Variants in PIWIL4 observed in about 807,000 individuals in gnomAD.
PIWIL4 encodes the protein piwi-like protein 4.
A neutral mutation model predicts 100.9 loss-of-function variants in PIWIL4; 50 were observed. That is an observed-to-expected ratio of 0.50 (90% CI 0.39 to 0.63). The LOEUF (loss-of-function observed/expected upper bound fraction) is 0.63. Among genes scored for constraint, PIWIL4 ranks in the 20% least tolerant of loss-of-function variants. The probability of loss-of-function intolerance (pLI) is 0.00; values close to 1 mark genes in which losing one functional copy is unlikely to be tolerated. For missense variants in PIWIL4, 887 were observed against 1,043.3 expected, an observed-to-expected ratio of 0.85 and a Z score of 2.06; for synonymous variants, 342 against 367.5, an observed-to-expected ratio of 0.93 and a Z score of 0.79.
chr11:94,602,827 AAATCTGTT>A (rs1386788864), intron 12 of PIWIL4, among the ~76,000 whole-genome samples: 17 of 152,202 alleles, frequency 1.1e-4, no homozygotes, highest in Non-Finnish European at 4.4e-5. Flanking sequence ...TCCTCTTATC[AAATCTGTT>A]AATAAATAGC....
At chr11:94,584,589 C>T (rs1948372522) in intron 5 of PIWIL4, among the ~76,000 whole-genome samples, 1 of 152,136 alleles carries the variant, frequency 6.6e-6, no homozygotes, top group Non-Finnish European at 1.5e-5. Context: ...TATTAAAATC[C>T]TTATTTTTAA....
intron 16 of PIWIL4, 200 bp from the exon 17 acceptor site, chr11:94,617,754 C>A: frequency 2.0e-6 from 1 of 511,592 alleles, no homozygotes; most frequent in Non-Finnish European, 3.4e-6. Flanking sequence ...CATTGTGATT[C>A]CTTGAATAGC....
chr11:94,582,693 T>A (rs1948338561), intron 4 of PIWIL4, among the ~76,000 whole-genome samples: 1 of 152,234 alleles, frequency 6.6e-6, no homozygotes, highest in Non-Finnish European at 1.5e-5. Context: ...TATAGAATCA[T>A]ATTCATGTGT....
chr11:94,588,138 C>T (rs965130929), intron 7 of PIWIL4, among the ~76,000 whole-genome samples: 5 of 151,878 alleles, frequency 3.3e-5, no homozygotes, highest in Non-Finnish European at 7.4e-5. Context: ...GAGGCCCCAG[C>T]GTGTGTTTTT....
Position 94,568,781 on chromosome 11 carries a change from T to C in PIWIL4, c.139T>C (p.Leu47=). ...NNEASSSNGF[L]GTSRISTNDK... ...TGAAGCATCCTCTAGCAATGGCTTC[T>C]TGGGAACAAGCAGGATCTCAACCAA... Residue 47 remains leucine, a synonymous_variant, in exon 2 of 20, where the codon TTG becomes CTG. Transcript: ENST00000299001. The C allele has an allele frequency of 6.2e-7, 1 of 1,609,070 alleles. No individual in the cohort carries two copies. The highest frequency in any genetic ancestry group is 8.5e-7 in the Non-Finnish European group (1 of 1,175,412).
At chr11:94,609,012 T>C (rs1392163803) in intron 15 of PIWIL4, among the ~76,000 whole-genome samples, 1 of 152,220 alleles carries the variant, frequency 6.6e-6, no homozygotes, top group Non-Finnish European at 1.5e-5. Context: ...ACTTTACATA[T>C]ATCATGTCGA....
chr11:94,577,320 A>T lies in PIWIL4; in HGVS notation c.341A>T (p.Asn114Ile). Residue 114 changes from asparagine (N) to isoleucine (I), a missense_variant, in exon 4 of 20, where the codon AAC becomes ATC. This residue lies in a region of PIWIL4 where 741 missense variants were observed against 930.0 expected (regional missense o/e 0.80). Transcript: ENST00000299001. ...IPVKLVTNLF[N>I]LDFPQDWQLY... is the part of the protein sequence containing the mutation. ...GTGAAACTGGTTACAAACCTCTTTA[A>T]CTTAGATTTTCCCCAAGACTGGCAG... 2.5e-6 allele frequency: 4 copies of T among 1,614,102 alleles called. No individual in the cohort carries two copies. The highest frequency in any genetic ancestry group is 1.1e-5 in the South Asian group (1 of 91,078).
chr11:94,594,816 G>A (rs1021076191), intron 9 of PIWIL4, among the ~76,000 whole-genome samples: 3 of 152,164 alleles, frequency 2.0e-5, no homozygotes, highest in African/African-American at 4.8e-5. Context: ...ACAGGCATGA[G>A]CCACAGCGCC....
chr11:94,618,140 C>A, intron 17 of PIWIL4, 33 bp downstream of exon 17: 1 of 1,511,988 alleles, frequency 6.6e-7, no homozygotes, highest in South Asian at 1.4e-5. Flanking sequence ...TCCATACTCC[C>A]AATTATAGCA....
In PIWIL4 at chr11:94,595,312, T is replaced by C. The variant is rs1390023910; in HGVS notation, c.1154T>C (p.Leu385Pro). The change falls in exon 10 of 20, where the codon CTG (leucine) becomes CCG (proline). Residue 385 changes from leucine (L) to proline (P), a missense_variant. Leu to Pro is a moderately conservative substitution (Grantham distance 98, BLOSUM62 -3). Transcript: ENST00000299001. Reference sequence around the variant, plus strand: ...TGTCTTCATTTGCATTTAATAGGGCTGACTGACCAGGCAACATCTGATTTC... The same window carrying C: ...TGTCTTCATTTGCATTTAATAGGGCCGACTGACCAGGCAACATCTGATTTC... Reference protein sequence around the residue: ...LIPELCFLTGLTDQATSDFQL... With the variant: ...LIPELCFLTGPTDQATSDFQL... 1 of 1,613,046 alleles carries C rather than the reference T, an allele frequency of 6.2e-7. No homozygotes were observed. Among genetic ancestry groups the C allele is most frequent in the Non-Finnish European group, 8.5e-7 (1 of 1,179,094 alleles).
intron 10 of PIWIL4, among the ~76,000 whole-genome samples, chr11:94,596,379 A>G (rs891111927): frequency 6.6e-6 from 1 of 152,160 alleles, no homozygotes; most frequent in African/African-American, 2.4e-5. Context: ...TATTTAACAA[A>G]TGAGTGAATC....
At chr11:94,596,144 ACTTT>A (rs1307218732) in intron 10 of PIWIL4, among the ~76,000 whole-genome samples, 2 of 151,820 alleles carry the variant, frequency 1.3e-5, no homozygotes, top group Admixed American at 6.6e-5. Flanking sequence ...TCATTTTTTT[ACTTT>A]CTTAAGGTGG....
At position 94,595,249 on chromosome 11, in the gene PIWIL4, T is replaced by C. The variant is rs1401559908; in HGVS notation, c.1151-60T>C. 4.2e-6 allele frequency: 6 copies of C among 1,444,854 alleles called. No individual in the cohort carries two copies. In the East Asian group the frequency reaches 1.1e-4, roughly 28 times the overall value. 89.5% of individuals were successfully genotyped at this position (1,444,854 alleles called of 1,614,324 possible). A position where few individuals can be genotyped will look rare whatever the true frequency, so the allele number is the denominator to read the frequency against. On this transcript the variant is annotated intron_variant, in intron 9 of 19. Coordinates refer to ENST00000299001, the MANE Select transcript of PIWIL4 (RefSeq NM_152431.3). ...CAAGTGGAAAGGTTTAAACTGGGCC[T>C]TTGATGGGCTGAGTTGCTTATGTTC... is the stretch of plus-strand genomic sequence containing the variant.
Position 94,621,388 on chromosome 11 carries a change from G to C in PIWIL4, c.*396G>C, listed in dbSNP as rs78621441. 1.6e-3 allele frequency: 256 copies of C among 164,516 alleles called. 10 individuals are homozygous for C. The East Asian group carries it at 0.04, about 26-fold the overall frequency. 10.2% of individuals were successfully genotyped at this position (164,516 alleles called of 1,614,324 possible). A position where few individuals can be genotyped will look rare whatever the true frequency, so the allele number is the denominator to read the frequency against. ...ATGTTGTAGAGCATTTTGTAGAGTG[G>C]TTTAAATAGTTGAAAATAAAGTTCA... On this transcript the variant is annotated 3_prime_UTR_variant, in exon 20 of 20. Coordinates refer to ENST00000299001, the MANE Select transcript of PIWIL4 (RefSeq NM_152431.3).
intron 15 of PIWIL4, among the ~76,000 whole-genome samples, chr11:94,613,877 C>T (rs1368816091): frequency 1.3e-5 from 2 of 152,140 alleles, no homozygotes; most frequent in African/African-American, 4.8e-5. Flanking sequence ...ATTCTCCTGC[C>T]TCAGCCTCCC....
intron 4 of PIWIL4, among the ~76,000 whole-genome samples, chr11:94,580,749 C>A (rs1948299732): frequency 6.6e-6 from 1 of 152,098 alleles, no homozygotes; most frequent in Admixed American, 6.6e-5. Flanking sequence ...TAAGTACTGT[C>A]CTTCTTTGTT....
intron 13 of PIWIL4, among the ~76,000 whole-genome samples, chr11:94,606,539 G>C (rs1287250137): frequency 2.0e-5 from 3 of 152,196 alleles, no homozygotes; most frequent in Non-Finnish European, 4.4e-5. Context: ...CTGATAAGAA[G>C]TAGGAGTAGG....
chr11:94,588,446 C>G (rs1450981044), intron 7 of PIWIL4, among the ~76,000 whole-genome samples: 1 of 152,182 alleles, frequency 6.6e-6, no homozygotes, highest in African/African-American at 2.4e-5. Context: ...GAAGGCTACC[C>G]TCTTATCCTC....
chr11:94,574,996 T>C lies in PIWIL4; in HGVS notation c.167-3T>C, dbSNP rs372127094. On this transcript the variant is annotated splice_region_variant and splice_polypyrimidine_tract_variant and intron_variant, in intron 2 of 19. Coordinates refer to ENST00000299001, the MANE Select transcript of PIWIL4 (RefSeq NM_152431.3). ...CTGTTACCACATTCTCTTCATGTTT[T>C]AGATAAATATGGGATATCTTCTGGT... The C allele has an allele frequency of 1.9e-5, 31 of 1,611,662 alleles. No homozygotes were observed. In the African/African-American group the frequency reaches 3.9e-4, roughly 20 times the overall value.
Sources: allele counts gnomAD v4.1 joint callset (sites outside exome capture counted in the v4.1 genomes callset), GRCh38; gene constraint gnomAD v4.1.1; regional missense constraint gnomAD v4.1.1; transcripts MANE v1.5; gene names NCBI Gene and HGNC (gene_info 2026-07-23, HGNC 2026-07-21).